ARID4B: variants seen among roughly 807,000 people sequenced by gnomAD.
ARID4B encodes AT-rich interactive domain-containing protein 4B.
ARID4B carries 26 observed loss-of-function variants against 147.5 expected under a neutral mutation model. The ratio of observed to expected loss-of-function variants is 0.18; its 90% CI spans 0.13 to 0.24. The LOEUF (loss-of-function observed/expected upper bound fraction) is 0.24, where lower values mean the gene tolerates loss of function less well. Ranked by LOEUF, ARID4B falls within the 10% of genes least tolerant of loss-of-function variation. The pLI, the probability that ARID4B is intolerant of heterozygous loss-of-function variation, is 1.00. For synonymous variants in ARID4B, 512 were observed against 507.9 expected (o/e 1.01, Z -0.11); for missense variants, 1,179 against 1,511.5 (o/e 0.78, Z 3.65).
intron 16 of ARID4B, among the ~76,000 whole-genome samples, chr1:235,218,864 A>ATTTTT (rs67129831): frequency 4.7e-5 from 6 of 128,702 alleles, no homozygotes; most frequent in Admixed American, 1.7e-4. Context: ...ACGCTAAATG[A>ATTTTT]TTTTTTTTTT....
In ARID4B at chr1:235,177,875, C is replaced by T; in HGVS notation, c.3373G>A (p.Gly1125Arg). The T allele has an allele frequency of 6.2e-7, 1 of 1,611,210 alleles. No homozygotes were observed. Among genetic ancestry groups the T allele is most frequent in the Non-Finnish European group, 8.5e-7 (1 of 1,178,596 alleles). ...TTCTGCTTTTTTGATGAACTTCCTC[C>T]TCCCTGAGCATCTTTCACTCTTTTC... is the stretch of plus-strand genomic sequence containing the variant. ...GQKRVKDAQG[G>R]GSSSKKQKRS... Residue 1125 changes from glycine (G) to arginine (R), a missense_variant, in exon 21 of 24, where the codon GGA becomes AGA. Gly to Arg is a moderately radical substitution (Grantham distance 125). Transcript: ENST00000264183.
At chr1:235,198,401 A>G (rs989902602) in intron 17 of ARID4B, among the ~76,000 whole-genome samples, 1 of 152,224 alleles carries the variant, frequency 6.6e-6, no homozygotes, top group Non-Finnish European at 1.5e-5. Context: ...AAACAAGGAA[A>G]AACAGTTACT....
intron 21 of ARID4B, among the ~76,000 whole-genome samples, chr1:235,176,437 CAAAAAAAAAAAAAAAAAAA>C (rs34808765): frequency 1.8e-4 from 4 of 22,522 alleles, no homozygotes; most frequent in Non-Finnish European, 3.4e-4. Flanking sequence ...ACAACATCAC[CAAAAAAAAAAAAAAAAAAA>C]AAAAAAAAAA....
chr1:235,231,072 G>A, intron 10 of ARID4B, 41 bp downstream of exon 10: 1 of 1,369,656 alleles, frequency 7.3e-7, no homozygotes, highest in Non-Finnish European at 1.0e-6. Context: ...CACTTTAGCA[G>A]TTTTTACAGT....
chr1:235,274,357 A>G, intron 2 of ARID4B, among the ~76,000 whole-genome samples: 1 of 152,142 alleles, frequency 6.6e-6, no homozygotes, highest in South Asian at 2.1e-4. Context: ...CCTGGGTGAC[A>G]GTGAGACTCC....
At chr1:235,210,711 C>T (rs572100301) in intron 17 of ARID4B, among the ~76,000 whole-genome samples, 1 of 152,266 alleles carries the variant, frequency 6.6e-6, no homozygotes, top group South Asian at 2.1e-4. Context: ...AAGTTCATAG[C>T]ATACAAGCAC....
intron 2 of ARID4B, among the ~76,000 whole-genome samples, chr1:235,313,783 G>C (rs903277580): frequency 6.6e-6 from 1 of 152,128 alleles, no homozygotes; most frequent in South Asian, 2.1e-4. Context: ...TAAGTACCAG[G>C]AAAATAAAGG....
chr1:235,292,127 T>A (rs929884619), intron 2 of ARID4B, among the ~76,000 whole-genome samples: 8 of 152,238 alleles, frequency 5.3e-5, no homozygotes, highest in Admixed American at 2.6e-4. Context: ...TAATGTAAGT[T>A]GTTTGCTTCT....
At chr1:235,326,768 G>A in intron 2 of ARID4B, 146 bp downstream of exon 2, 2 of 980,652 alleles carry the variant, frequency 2.0e-6, no homozygotes, top group Non-Finnish European at 3.2e-6. Context: ...GCTGACCCCG[G>A]TCTCTCTGGG....
At chr1:235,301,423 T>G (rs1325692244) in intron 2 of ARID4B, among the ~76,000 whole-genome samples, 1 of 151,568 alleles carries the variant, frequency 6.6e-6, no homozygotes, top group African/African-American at 2.4e-5. Context: ...CTTGTAGTCC[T>G]AATTACTTGG....
chr1:235,178,258 A>T (rs536640838), intron 20 of ARID4B, among the ~76,000 whole-genome samples: 2 of 152,312 alleles, frequency 1.3e-5, no homozygotes, highest in Non-Finnish European at 2.9e-5. Flanking sequence ...AAATTTGTTA[A>T]GATTCAATAA....
At chr1:235,277,631 T>C (rs1363902649) in intron 2 of ARID4B, among the ~76,000 whole-genome samples, 1 of 123,432 alleles carries the variant, frequency 8.1e-6, no homozygotes, top group South Asian at 3.2e-4. Context: ...TGTGTGTGTG[T>C]GTGTGTGTGT....
At position 235,182,809 on chromosome 1, in the gene ARID4B, A is replaced by G; in HGVS notation, c.2126-16T>C. 6.4e-7 allele frequency: 1 copy of G among 1,562,488 alleles called. No individual in the cohort carries two copies. The highest frequency in any genetic ancestry group is 8.6e-7 in the Non-Finnish European group (1 of 1,159,772). On this transcript the variant is annotated splice_polypyrimidine_tract_variant and intron_variant, in intron 19 of 23. Transcript: ENST00000264183. The stretch of plus-strand genomic sequence containing the variant: ...CTTTCAGAAGCTAGAAAATAACAGA[A>G]AAAAAAATGATGAGTATGATAAGAA...
intron 8 of ARID4B, among the ~76,000 whole-genome samples, chr1:235,235,051 G>A (rs532944318): frequency 4.6e-5 from 7 of 152,326 alleles, no homozygotes; most frequent in African/African-American, 1.7e-4. Context: ...AGAGGTGGTG[G>A]CTTGGATGTA....
At position 235,181,807 on chromosome 1, in the gene ARID4B, C is replaced by T; in HGVS notation, c.3112G>A (p.Gly1038Ser). The change falls in exon 20 of 24, where the codon GGC (glycine) becomes AGC (serine). Residue 1038 changes from glycine to serine, a missense_variant. Gly to Ser is a moderately conservative substitution (Grantham distance 56). This residue lies in a region of ARID4B where 357 missense variants were observed against 427.3 expected (regional missense o/e 0.84). Coordinates refer to ENST00000264183, the MANE Select transcript of ARID4B (RefSeq NM_016374.6). ...GTTACAGAAGACTGCTGCCGGCTGC[C>T]TTCTGTTACAGTGACTGATGAAGGC... ...ESPSSVTVTE[G>S]SRQQSSVTVS... The T allele has an allele frequency of 6.2e-7, 1 of 1,614,154 alleles. No homozygotes were observed.
chr1:235,293,429 C>T (rs2103218885), intron 2 of ARID4B, among the ~76,000 whole-genome samples: 1 of 152,290 alleles, frequency 6.6e-6, no homozygotes, highest in Non-Finnish European at 1.5e-5. Context: ...GAGACCATCA[C>T]TATTAACTTG....
intron 2 of ARID4B, among the ~76,000 whole-genome samples, chr1:235,286,332 G>C (rs3845565): frequency 0.29 from 44,789 of 152,066 alleles, 7,718 homozygotes; most frequent in South Asian, 0.54. Flanking sequence ...TCGCACCCAG[G>C]CTTATTCATA....
chr1:235,172,895 ATT>A (rs1175107221), intron 22 of ARID4B, 131 bp from the exon 23 acceptor site: 5 of 745,132 alleles, frequency 6.7e-6, no homozygotes, highest in Non-Finnish European at 1.0e-5. Context: ...CTTCTGAAAT[ATT>A]TGTTTTCCAA....
chr1:235,282,103 A>C (rs1162145367), intron 2 of ARID4B, among the ~76,000 whole-genome samples: 2 of 152,208 alleles, frequency 1.3e-5, no homozygotes, highest in Non-Finnish European at 2.9e-5. Context: ...AGGAATTGAA[A>C]ATCATCAAAA....
Sources: allele counts gnomAD v4.1 joint callset (sites outside exome capture counted in the v4.1 genomes callset), GRCh38; gene constraint gnomAD v4.1.1; regional missense constraint gnomAD v4.1.1; transcripts MANE v1.5; gene names NCBI Gene and HGNC (gene_info 2026-07-23, HGNC 2026-07-21).